PCCA: variants seen among roughly 807,000 people sequenced by gnomAD.
The protein encoded by PCCA is propionyl-CoA carboxylase subunit alpha, also known as propionyl-CoA carboxylase alpha chain, mitochondrial.
In PCCA, 74 loss-of-function variants were observed where a neutral mutation model predicts 101.3. The observed-to-expected ratio is 0.73, with a 90% CI of 0.61 to 0.89. PCCA has a LOEUF of 0.89. Among genes scored for constraint, PCCA ranks in the 40% least tolerant of loss-of-function variants. The pLI, the probability that PCCA is intolerant of heterozygous loss-of-function variation, is 0.00. For missense variants in PCCA, 891 were observed against 907.0 expected, an observed-to-expected ratio of 0.98 and a Z score of 0.23; for synonymous variants, 294 against 313.6, an observed-to-expected ratio of 0.94 and a Z score of 0.66.
chr13:100,440,082 C>T (rs1275614221), intron 20 of PCCA, among the ~76,000 whole-genome samples: 1 of 148,396 alleles, frequency 6.7e-6, no homozygotes, highest in Non-Finnish European at 1.5e-5. Flanking sequence ...GGAATAGTGT[C>T]ACATGAATCT....
chr13:100,430,957 G>GTAC (rs2079510117), intron 20 of PCCA, among the ~76,000 whole-genome samples: 1 of 152,202 alleles, frequency 6.6e-6, no homozygotes, highest in Non-Finnish European at 1.5e-5. Context: ...AATAAAGTAC[G>GTAC]TACTAGTGTT....
intron 18 of PCCA, among the ~76,000 whole-genome samples, chr13:100,346,480 A>G (rs748144721): frequency 5.9e-5 from 9 of 152,216 alleles, no homozygotes; most frequent in Non-Finnish European, 1.3e-4. Context: ...CTTCTTATGG[A>G]TGAGCAAAGA....
chr13:100,207,998 C>CA lies in PCCA; in HGVS notation c.469-1333dup, dbSNP rs552092902. 5.9e-5 allele frequency among the ~76,000 whole-genome samples: 9 copies of CA among 152,074 alleles called. No homozygotes were observed. In the South Asian group the frequency reaches 1.2e-3, roughly 21 times the overall value. On this transcript the variant is annotated intron_variant, in intron 6 of 23. Transcript: ENST00000376285. Reference sequence around the variant, plus strand: ...GTGCCATTGCACTCCAGCCTGGTGACAGAGTGAGACTCTGTCTCAAAAAAG... The same window carrying CA: ...GTGCCATTGCACTCCAGCCTGGTGACAAGAGTGAGACTCTGTCTCAAAAAAG...
chr13:100,509,575 C>T (rs1046760855), intron 21 of PCCA, among the ~76,000 whole-genome samples: 8 of 152,150 alleles, frequency 5.3e-5, no homozygotes, highest in Admixed American at 1.3e-4. Flanking sequence ...AAAACGGAAG[C>T]TTTTAAATTA....
At chr13:100,161,743 A>T (rs2054500520) in intron 6 of PCCA, 1 of 152,114 alleles carries the variant, frequency 6.6e-6, no homozygotes, top group Non-Finnish European at 1.5e-5. Context: ...TTTTCACTAT[A>T]TGGGCTATAA....
At chr13:100,490,061 G>A (rs1007586816) in intron 21 of PCCA, 3 of 152,262 alleles carry the variant, frequency 2.0e-5, no homozygotes, top group African/African-American at 7.2e-5. Context: ...CTCTGTCCAT[G>A]GCCACCTCTG....
At chr13:100,467,183 T>C in intron 21 of PCCA, among the ~76,000 whole-genome samples, 1 of 152,146 alleles carries the variant, frequency 6.6e-6, no homozygotes, top group Non-Finnish European at 1.5e-5. Context: ...CAAATGTGGC[T>C]TCCTTCACAT....
intron 7 of PCCA, among the ~76,000 whole-genome samples, chr13:100,233,651 AAT>A (rs1046821544): frequency 3.4e-4 from 52 of 152,312 alleles, no homozygotes; most frequent in African/African-American, 1.2e-3. Context: ...TTGAAACAGT[AAT>A]AGAGATTTTA....
intron 14 of PCCA, chr13:100,305,922 G>A: frequency 2.9e-6 from 1 of 339,200 alleles, no homozygotes; most frequent in South Asian, 2.7e-5. Context: ...TTTTGTTTGT[G>A]CTTGCAAATA....
chr13:100,133,253 CTGT>C (rs1312105257), intron 4 of PCCA, among the ~76,000 whole-genome samples: 2 of 152,012 alleles, frequency 1.3e-5, no homozygotes, highest in African/African-American at 4.8e-5. Context: ...GTTTGTTTTT[CTGT>C]TGTTGAGTTT....
intron 18 of PCCA, among the ~76,000 whole-genome samples, chr13:100,357,063 T>C (rs2074029533): frequency 6.6e-6 from 1 of 152,146 alleles, no homozygotes; most frequent in Admixed American, 6.5e-5. Context: ...GAGTAACTGC[T>C]CTCGTATCTA....
chr13:100,207,702 C>T (rs576868792), intron 6 of PCCA, among the ~76,000 whole-genome samples: 6 of 151,934 alleles, frequency 3.9e-5, no homozygotes, highest in East Asian at 2.0e-4. Context: ...CTTTTAATTC[C>T]GTCCTGTATT....
At chr13:100,311,906 A>T (rs1012163106) in intron 16 of PCCA, among the ~76,000 whole-genome samples, 1 of 152,254 alleles carries the variant, frequency 6.6e-6, no homozygotes, top group African/African-American at 2.4e-5. Flanking sequence ...CGGAGGTTAT[A>T]TGCTTTCATT....
intron 21 of PCCA, among the ~76,000 whole-genome samples, chr13:100,494,692 A>AAT (rs1555320103): frequency 6.6e-6 from 1 of 151,188 alleles, no homozygotes; most frequent in Non-Finnish European, 1.5e-5. Flanking sequence ...AAAAAAAAAA[A>AAT]TTTTGTAATT....
chr13:100,289,657 A>G (rs1467219071), intron 12 of PCCA, among the ~76,000 whole-genome samples: 2 of 151,580 alleles, frequency 1.3e-5, no homozygotes, highest in African/African-American at 2.4e-5. Context: ...TGGAAATCCT[A>G]TTGTCCTTTA....
chr13:100,418,833 CAAAAAAAA>C (rs5806159), intron 19 of PCCA, among the ~76,000 whole-genome samples: 1 of 134,990 alleles, frequency 7.4e-6, no homozygotes, highest in African/African-American at 2.7e-5. Flanking sequence ...GACTCCACCT[CAAAAAAAA>C]AAAAGAAAAA....
At chr13:100,518,943 A>G (rs958805593) in intron 22 of PCCA, among the ~76,000 whole-genome samples, 2 of 152,166 alleles carry the variant, frequency 1.3e-5, no homozygotes, top group Admixed American at 6.5e-5. Flanking sequence ...GGTAGAATAC[A>G]TTTTTCCACA....
chr13:100,524,983 GGATAGATAGATAGATA>G (rs201979758), intron 22 of PCCA, among the ~76,000 whole-genome samples: 3,408 of 137,250 alleles, frequency 0.025, 103 homozygotes, highest in African/African-American at 0.067. Context: ...TCTCTAAGAT[GGATAGATAGATAGATA>G]GATAGATAGA....
At chr13:100,111,400 A>G (rs949635406) in intron 2 of PCCA, among the ~76,000 whole-genome samples, 2 of 151,676 alleles carry the variant, frequency 1.3e-5, no homozygotes, top group East Asian at 1.9e-4. Flanking sequence ...TGACCTCGTG[A>G]TCCACCTGCC....
Sources: gnomAD v4.1 joint callset for allele counts (sites outside exome capture counted in the v4.1 genomes callset) on GRCh38, gnomAD v4.1.1 for gene constraint, MANE v1.5 for transcripts, NCBI Gene and HGNC (gene_info 2026-07-23, HGNC 2026-07-21) for gene names.